Variants in CDIN1 observed in about 807,000 individuals in gnomAD.
The protein encoded by CDIN1 is CDAN1 interacting nuclease 1.
In CDIN1, 33 loss-of-function variants were observed where a neutral mutation model predicts 45.3. The observed-to-expected ratio is 0.73, with a 90% CI of 0.55 to 0.97. The LOEUF (loss-of-function observed/expected upper bound fraction) is 0.97, where lower values mean the gene tolerates loss of function less well. Among genes scored for constraint, CDIN1 ranks in the 50% least tolerant of loss-of-function variants. The probability of loss-of-function intolerance (pLI) is 0.00; values close to 1 mark genes in which losing one functional copy is unlikely to be tolerated. For synonymous variants in CDIN1, 118 were observed against 124.4 expected (o/e 0.95, Z 0.34); for missense variants, 303 against 339.4 (o/e 0.89, Z 0.84).
intron 8 of CDIN1, 134 bp from the exon 9 acceptor site, chr15:36,709,089 G>A (rs2042965083): frequency 5.1e-6 from 3 of 583,920 alleles, no homozygotes; most frequent in Non-Finnish European, 8.4e-6. Context: ...TTCTGACACA[G>A]CACTGCATGC....
intron 10 of CDIN1, among the ~76,000 whole-genome samples, chr15:36,723,317 A>AT (rs201392463): frequency 0.02 from 3,016 of 151,198 alleles, 42 homozygotes; most frequent in Non-Finnish European, 0.029. Context: ...AGTAAAGAGG[A>AT]TTTTTTTTTA....
chr15:36,703,219 AATAT>A (rs71126233), intron 8 of CDIN1, among the ~76,000 whole-genome samples: 2 of 57,376 alleles, frequency 3.5e-5, no homozygotes, highest in East Asian at 6.4e-4. Context: ...CCCTGTCTCA[AATAT>A]ATATATATAT....
At chr15:36,624,477 A>G (rs1678234970) in intron 1 of CDIN1, among the ~76,000 whole-genome samples, 2 of 152,228 alleles carry the variant, frequency 1.3e-5, no homozygotes, top group African/African-American at 2.4e-5. Context: ...ATTATAGTCC[A>G]TATCATGATG....
At chr15:36,620,369 A>G (rs2039127842) in intron 1 of CDIN1, among the ~76,000 whole-genome samples, 1 of 152,140 alleles carries the variant, frequency 6.6e-6, no homozygotes, top group African/African-American at 2.4e-5. Flanking sequence ...TAAAAATAAA[A>G]TAAAAATAAA....
chr15:36,768,574 C>G (rs575743668), intron 10 of CDIN1, among the ~76,000 whole-genome samples: 1 of 152,226 alleles, frequency 6.6e-6, no homozygotes, highest in Non-Finnish European at 1.5e-5. Flanking sequence ...TTTGGGAAGC[C>G]AAATCTGAGG....
intron 5 of CDIN1, chr15:36,691,251 AAGAGTTT>A: frequency 2.0e-6 from 1 of 512,482 alleles, no homozygotes; most frequent in South Asian, 1.4e-5. Context: ...TATGTATATG[AAGAGTTT>A]AGTGAAGACA....
At chr15:36,735,276 C>G (rs2043976427) in intron 10 of CDIN1, among the ~76,000 whole-genome samples, 2 of 152,130 alleles carry the variant, frequency 1.3e-5, no homozygotes, top group South Asian at 4.2e-4. Context: ...CTGCATGTAC[C>G]TCATCTCTTA....
chr15:36,809,562 G>A lies in CDIN1; in HGVS notation c.*1109G>A, dbSNP rs16964079. On this transcript the variant is annotated 3_prime_UTR_variant, in exon 11 of 11. Coordinates refer to ENST00000566621, the MANE Select transcript of CDIN1 (RefSeq NM_001321759.2). ...GATTTCAGTCTAAAGCGAAACATCA[G>A]TAAGTTAATAATAAACCTATCTTTT... The A allele has an allele frequency of 0.1, 15,857 of 152,010 alleles. 1,033 individuals carry two copies. The highest frequency in any genetic ancestry group is 0.18 in the African/African-American group (7,431 of 41,344). 9.4% of individuals were successfully genotyped at this position (152,010 alleles called of 1,614,324 possible). A position where few individuals can be genotyped will look rare whatever the true frequency, so the allele number is the denominator to read the frequency against.
intron 1 of CDIN1, chr15:36,640,750 C>A: frequency 1.7e-6 from 1 of 584,106 alleles, no homozygotes; most frequent in Non-Finnish European, 2.2e-6. Context: ...CTCAGCTCTC[C>A]TCTTAATCTG....
chr15:36,768,192 C>A (rs1253183879), intron 10 of CDIN1, among the ~76,000 whole-genome samples: 1 of 152,182 alleles, frequency 6.6e-6, no homozygotes. Flanking sequence ...AATCTTTAAA[C>A]CCTGTGACTC....
chr15:36,769,891 A>T (rs2054023667), intron 10 of CDIN1, among the ~76,000 whole-genome samples: 1 of 152,214 alleles, frequency 6.6e-6, no homozygotes, highest in African/African-American at 2.4e-5. Flanking sequence ...GTCAGCTGAT[A>T]CAGCAGGGTA....
chr15:36,699,083 A>G (rs890235508), intron 8 of CDIN1, among the ~76,000 whole-genome samples: 5 of 152,236 alleles, frequency 3.3e-5, no homozygotes, highest in African/African-American at 1.2e-4. Context: ...TTATGGAAGC[A>G]TACTCAAACA....
rs1038034007 is a variant in CDIN1 at position 36,669,004 on chromosome 15, CCTT to C, written c.346+11107_346+11109del. 7.9e-5 allele frequency: 12 copies of C among 151,946 alleles called. No homozygotes were observed. In the East Asian group the frequency reaches 1.2e-3, roughly 15 times the overall value. The allele number at this position is 151,946 out of a possible 1,614,324, so 9.4% of individuals were successfully genotyped here. ...TTGAGCCATATGAAGGATTAATTTC[CCTT>C]CTTCTTCGTTAGGTACTCTTGAATT... On this transcript the variant is annotated intron_variant, in intron 5 of 10. Transcript: ENST00000566621.
At chr15:36,755,665 G>A (rs2053591251) in intron 10 of CDIN1, among the ~76,000 whole-genome samples, 1 of 142,064 alleles carries the variant, frequency 7.0e-6, no homozygotes, top group South Asian at 2.4e-4. Context: ...CCTATTTTCT[G>A]GTGAGTTCTT....
At chr15:36,681,157 T>C (rs1421206057) in intron 5 of CDIN1, among the ~76,000 whole-genome samples, 1 of 152,088 alleles carries the variant, frequency 6.6e-6, no homozygotes, top group Non-Finnish European at 1.5e-5. Flanking sequence ...TGCATATATA[T>C]ATAAACTGAG....
chr15:36,661,062 G>A (rs1240872219), intron 5 of CDIN1, among the ~76,000 whole-genome samples: 2 of 152,184 alleles, frequency 1.3e-5, no homozygotes, highest in Non-Finnish European at 2.9e-5. Context: ...AGCATGTGAG[G>A]CCAGTGTACA....
At position 36,697,282 on chromosome 15, in the gene CDIN1, A is replaced by G. The variant is rs552376925; in HGVS notation, c.477-41A>G. On this transcript the variant is annotated intron_variant, in intron 7 of 10. Coordinates refer to ENST00000566621, the MANE Select transcript of CDIN1 (RefSeq NM_001321759.2). ...CTGGTATTAGCGTTTTCCTGCTGGT[A>G]TAATTCTGCCTGTGTTACCCCCTTA... The G allele has an allele frequency of 5.1e-6, 8 of 1,570,622 alleles. No individual in the cohort carries two copies. The African/African-American group carries it at 9.5e-5, about 19-fold the overall frequency.
chr15:36,737,461 T>A (rs995748541), intron 10 of CDIN1, among the ~76,000 whole-genome samples: 1 of 152,198 alleles, frequency 6.6e-6, no homozygotes, highest in Non-Finnish European at 1.5e-5. Flanking sequence ...TTCATTTGTG[T>A]GTGCCATTGC....
chr15:36,719,708 C>T (rs1169604273), intron 10 of CDIN1, among the ~76,000 whole-genome samples: 1 of 152,034 alleles, frequency 6.6e-6, no homozygotes, highest in African/African-American at 2.4e-5. Context: ...ATTATTTCTT[C>T]CTTAAATTTT....
Sources: gnomAD v4.1 joint callset for allele counts (sites outside exome capture counted in the v4.1 genomes callset) on GRCh38, gnomAD v4.1.1 for gene constraint, MANE v1.5 for transcripts, NCBI Gene and HGNC (gene_info 2026-07-23, HGNC 2026-07-21) for gene names.